ANKRD30B: variants seen among roughly 807,000 people sequenced by gnomAD.
ANKRD30B encodes the protein ankyrin repeat domain-containing protein 30B.
In ANKRD30B, 144 loss-of-function variants were observed where a neutral mutation model predicts 202.2. The ratio of observed to expected loss-of-function variants is 0.71; its 90% CI spans 0.62 to 0.82. The LOEUF (loss-of-function observed/expected upper bound fraction) is 0.82, where lower values mean the gene tolerates loss of function less well. Ranked by LOEUF, ANKRD30B falls within the 40% of genes least tolerant of loss-of-function variation. The probability of loss-of-function intolerance (pLI) is 0.00; values close to 1 mark genes in which losing one functional copy is unlikely to be tolerated. For synonymous variants in ANKRD30B, 508 were observed against 561.3 expected (o/e 0.91, Z 1.34); for missense variants, 1,487 against 1,669.1 (o/e 0.89, Z 1.90).
rs149608360 is a variant in ANKRD30B at position 14,778,302 on chromosome 18, A to C, written c.1420+227A>C. ...TAAATTCAATATACTGTAAGACCTGAGGAAAGGAGTGAAAGAGGGAATGAA... is the reference window on the plus strand; with the variant it reads ...TAAATTCAATATACTGTAAGACCTGCGGAAAGGAGTGAAAGAGGGAATGAA... On this transcript the variant is annotated intron_variant, in intron 10 of 43. Transcript: ENST00000690538. 3.4e-3 allele frequency among the ~76,000 whole-genome samples: 514 copies of C among 152,328 alleles called. 6 individuals are homozygous for C. The highest frequency in any genetic ancestry group is 0.011 in the African/African-American group (473 of 41,568).
In ANKRD30B at chr18:14,810,705, A is replaced by T. The variant is rs538584095; in HGVS notation, c.2488+525A>T. ...TCTTTGCTAGACACACTGTTTTAGA[A>T]GTGTGACTCTAAAGCTTTTGGCCTT... On this transcript the variant is annotated intron_variant, in intron 28 of 43. Transcript: ENST00000690538. Among the ~76,000 whole-genome samples, 7 of 151,256 alleles carry T rather than the reference A, an allele frequency of 4.6e-5. 1 individual carries two copies. In the South Asian group the frequency reaches 1.5e-3, roughly 32 times the overall value.
At position 14,753,025 on chromosome 18, in the gene ANKRD30B, C is replaced by G; in HGVS notation, c.510+13C>G. On this transcript the variant is annotated intron_variant, in intron 3 of 43. Transcript: ENST00000690538. ...GGTGCAAAACAAGGTAGACATTAAC[C>G]AATGTTATTTTCAAAATATTTGAAA... is the stretch of plus-strand genomic sequence containing the variant. 6.5e-7 allele frequency: 1 copy of G among 1,545,808 alleles called. No individual in the cohort carries two copies. The highest frequency in any genetic ancestry group is 8.7e-7 in the Non-Finnish European group (1 of 1,144,156).
the ANKRD30B span, among the ~76,000 whole-genome samples, chr18:14,908,607 A>G: frequency 0.51 from 77,182 of 151,922 alleles, 19,833 homozygotes; most frequent in African/African-American, 0.54. Flanking sequence ...CGTGTGCTTT[A>G]CTTTCTAATC....
At chr18:14,874,692 T>A in the ANKRD30B span, among the ~76,000 whole-genome samples, 1 of 152,100 alleles carries the variant, frequency 6.6e-6, no homozygotes. Flanking sequence ...GAAGTTGTGG[T>A]TCAGCAGAAT....
At chr18:14,759,010 A>G (rs1271001632) in intron 5 of ANKRD30B, among the ~76,000 whole-genome samples, 1 of 152,170 alleles carries the variant, frequency 6.6e-6, no homozygotes, top group Non-Finnish European at 1.5e-5. Context: ...TTTTCCTGAA[A>G]GTAAAAATCT....
intron 34 of ANKRD30B, 128 bp from the exon 35 acceptor site, chr18:14,837,083 A>G: frequency 1.6e-6 from 1 of 614,148 alleles, no homozygotes; most frequent in Non-Finnish European, 2.9e-6. Flanking sequence ...GATTTGACAG[A>G]TACAAAGTAT....
intron 6 of ANKRD30B, 124 bp from the exon 7 acceptor site, chr18:14,763,562 A>C: frequency 7.3e-7 from 1 of 1,362,804 alleles, no homozygotes; most frequent in Non-Finnish European, 1.0e-6. Flanking sequence ...AAAAGAGAAG[A>C]GAGAAAAGAA....
At chr18:14,875,814 A>G in the ANKRD30B span, among the ~76,000 whole-genome samples, 1 of 152,152 alleles carries the variant, frequency 6.6e-6, no homozygotes. Context: ...CCTAGCCACT[A>G]TATAGCGGTG....
intron 34 of ANKRD30B, among the ~76,000 whole-genome samples, chr18:14,832,732 CTT>C (rs771046094): frequency 1.3e-5 from 2 of 152,160 alleles, no homozygotes; most frequent in Non-Finnish European, 2.9e-5. Context: ...TAAAATATGA[CTT>C]AAATTTATAT....
chr18:14,932,250 T>A, the ANKRD30B span, among the ~76,000 whole-genome samples: 5 of 151,824 alleles, frequency 3.3e-5, no homozygotes, highest in African/African-American at 1.2e-4. Flanking sequence ...GTCCTGCTCC[T>A]GAAGGCTGTG....
At chr18:14,927,016 G>T in the ANKRD30B span, among the ~76,000 whole-genome samples, 1 of 151,848 alleles carries the variant, frequency 6.6e-6, no homozygotes, top group Non-Finnish European at 1.5e-5. Flanking sequence ...AGTAGTAGTT[G>T]GTCTAATTTT....
the ANKRD30B span, chr18:14,905,655 A>T: frequency 1.3e-5 from 2 of 152,334 alleles, no homozygotes; most frequent in South Asian, 4.1e-4. Context: ...CCTGGCAAAG[A>T]CCTAGAAAGG....
chr18:14,871,370 A>G, the ANKRD30B span, among the ~76,000 whole-genome samples: 2 of 150,972 alleles, frequency 1.3e-5, no homozygotes, highest in South Asian at 4.2e-4. Flanking sequence ...TGGGCACAGG[A>G]CTGTGTGCAG....
intron 5 of ANKRD30B, among the ~76,000 whole-genome samples, chr18:14,759,856 A>T (rs926876238): frequency 1.3e-5 from 2 of 152,242 alleles, no homozygotes; most frequent in Non-Finnish European, 2.9e-5. Context: ...ATAACAGAAA[A>T]CTGCAACATT....
chr18:14,793,473 C>CGATG (rs1394149886), intron 16 of ANKRD30B, among the ~76,000 whole-genome samples: 1 of 151,938 alleles, frequency 6.6e-6, no homozygotes, highest in Non-Finnish European at 1.5e-5. Context: ...ATCTCCTCAT[C>CGATG]ACTCAGCGTA....
chr18:14,758,374 G>A (rs1171661967), intron 5 of ANKRD30B, among the ~76,000 whole-genome samples: 1 of 152,074 alleles, frequency 6.6e-6, no homozygotes, highest in Non-Finnish European at 1.5e-5. Context: ...GGATTTGGGG[G>A]GACACGGCCA....
intron 20 of ANKRD30B, among the ~76,000 whole-genome samples, chr18:14,798,197 G>C (rs142176191): frequency 1.4e-4 from 20 of 147,524 alleles, no homozygotes; most frequent in African/African-American, 3.5e-4. Context: ...TTGTCGTCCC[G>C]TGGTGCCAAC....
chr18:14,757,175 A>G (rs1035279070), intron 4 of ANKRD30B, among the ~76,000 whole-genome samples: 1 of 152,230 alleles, frequency 6.6e-6, no homozygotes, highest in Non-Finnish European at 1.5e-5. Context: ...TAGGTGAATG[A>G]TAAAGAGAAA....
chr18:14,752,188 A>G (rs1913559074), intron 1 of ANKRD30B, among the ~76,000 whole-genome samples: 1 of 152,164 alleles, frequency 6.6e-6, no homozygotes, highest in Non-Finnish European at 1.5e-5. Flanking sequence ...TCTCCAAAAT[A>G]CTTTGCATAG....
Sources: gnomAD v4.1 joint callset for allele counts (sites outside exome capture counted in the v4.1 genomes callset) on GRCh38, gnomAD v4.1.1 for gene constraint, MANE v1.5 for transcripts, NCBI Gene and HGNC (gene_info 2026-07-23, HGNC 2026-07-21) for gene names.